PPARG: variants seen among roughly 807,000 people sequenced by gnomAD.
PPARG encodes peroxisome proliferator activated receptor gamma.
Under a neutral mutation model 39.2 loss-of-function variants are expected in PPARG, and 17 were observed. The observed-to-expected ratio is 0.43, with a 90% CI of 0.30 to 0.65. PPARG has a LOEUF of 0.65. PPARG is among the 30% of genes least tolerant of loss of function. The probability of loss-of-function intolerance (pLI) is 0.13; values close to 1 mark genes in which losing one functional copy is unlikely to be tolerated. For synonymous variants in PPARG, 223 were observed against 215.7 expected (o/e 1.03, Z -0.30); for missense variants, 406 against 585.9 (o/e 0.69, Z 3.17).
chr3:12,409,974 T>G lies in PPARG; in HGVS notation c.729+3893T>G, dbSNP rs115496081. Among the ~76,000 whole-genome samples the G allele has an allele frequency of 6.5e-3, 996 of 152,318 alleles. 7 individuals carry two copies. The highest frequency in any genetic ancestry group is 0.01 in the Non-Finnish European group (689 of 68,028). On this transcript the variant is annotated intron_variant, in intron 6 of 7. Coordinates refer to ENST00000651735, the MANE Select transcript of PPARG (RefSeq NM_138711.6). ...ATAAATTAAATTCCCCTGCTCCCCT[T>G]CTACCAACTTTAACATCATATCCTT...
intron 7 of PPARG, among the ~76,000 whole-genome samples, chr3:12,428,579 G>A (rs1031828733): frequency 6.6e-6 from 1 of 152,232 alleles, no homozygotes. Flanking sequence ...AAAGGCCCTG[G>A]CACTGTCTGG....
intron 1 of PPARG, among the ~76,000 whole-genome samples, chr3:12,294,989 T>C (rs1251146111): frequency 1.3e-5 from 2 of 152,184 alleles, no homozygotes; most frequent in South Asian, 4.1e-4. Context: ...AGAAACTTAG[T>C]AGCCACCTCA....
rs1235443809 is a variant in PPARG at position 12,308,044 on chromosome 3, A to G, written c.-82-4336A>G. ...GCTCAGAAAGCAGGGGTACCAGGAA[A>G]AGGGACTAAAATAGTCATCATAAGG... is the stretch of plus-strand genomic sequence containing the variant. On this transcript the variant is annotated intron_variant, in intron 1 of 7. Transcript: ENST00000651735. Among the ~76,000 whole-genome samples the G allele has an allele frequency of 2.0e-5, 3 of 152,228 alleles. No homozygotes were observed. In the East Asian group the frequency reaches 5.8e-4, roughly 29 times the overall value.
At chr3:12,337,608 T>C (rs879696670) in intron 2 of PPARG, among the ~76,000 whole-genome samples, 11 of 152,174 alleles carry the variant, frequency 7.2e-5, no homozygotes, top group Non-Finnish European at 1.6e-4. Flanking sequence ...AGCAGAGCTG[T>C]TGCGACTTGC....
intron 6 of PPARG, among the ~76,000 whole-genome samples, chr3:12,413,816 CAA>C (rs10575755): frequency 0.14 from 8,337 of 60,928 alleles, 824 homozygotes; most frequent in African/African-American, 0.32. Flanking sequence ...AACTCCATCT[CAA>C]AAAAAAAAAA....
chr3:12,312,925 C>G (rs1235800183), intron 2 of PPARG, among the ~76,000 whole-genome samples: 1 of 152,114 alleles, frequency 6.6e-6, no homozygotes, highest in Non-Finnish European at 1.5e-5. Flanking sequence ...CTAAGTTATA[C>G]CCGGCATTAA....
At chr3:12,340,358 G>T (rs1282362820) in intron 2 of PPARG, among the ~76,000 whole-genome samples, 3 of 152,168 alleles carry the variant, frequency 2.0e-5, no homozygotes, top group Admixed American at 6.5e-5. Context: ...TCATCTGACT[G>T]TGTGCAATAG....
chr3:12,418,774 ACT>A (rs764531069), intron 7 of PPARG, among the ~76,000 whole-genome samples: 4 of 151,868 alleles, frequency 2.6e-5, no homozygotes, highest in Non-Finnish European at 5.9e-5. Context: ...CAGACTCTAC[ACT>A]CTCTACCATC....
chr3:12,376,168 C>T (rs1169593685), intron 2 of PPARG, among the ~76,000 whole-genome samples: 2 of 152,020 alleles, frequency 1.3e-5, no homozygotes, highest in Non-Finnish European at 2.9e-5. Context: ...AGGCTGGTCT[C>T]GAACTCCTGA....
chr3:12,372,453 T>G (rs2125149048), intron 2 of PPARG, among the ~76,000 whole-genome samples: 1 of 152,264 alleles, frequency 6.6e-6, no homozygotes, highest in South Asian at 2.1e-4. Context: ...TAAAGTAAAT[T>G]ATAAATGCAC....
intron 1 of PPARG, among the ~76,000 whole-genome samples, chr3:12,308,443 C>G (rs1353701237): frequency 6.6e-6 from 1 of 150,614 alleles, no homozygotes; most frequent in Non-Finnish European, 1.5e-5. Context: ...ATATCAAATG[C>G]TGCAGAGGCA....
chr3:12,370,737 T>G (rs1247597636), intron 2 of PPARG, among the ~76,000 whole-genome samples: 1 of 152,260 alleles, frequency 6.6e-6, no homozygotes, highest in Non-Finnish European at 1.5e-5. Context: ...TAGCATTGCC[T>G]AAATTTACTT....
At chr3:12,335,155 T>G (rs992558332) in intron 2 of PPARG, among the ~76,000 whole-genome samples, 1 of 152,248 alleles carries the variant, frequency 6.6e-6, no homozygotes, top group Non-Finnish European at 1.5e-5. Flanking sequence ...GTATTAGAGC[T>G]CTGAATACTC....
At chr3:12,405,846 C>T (rs2050640284) in intron 5 of PPARG, 36 bp from the exon 6 acceptor site, 1 of 1,591,388 alleles carries the variant, frequency 6.3e-7, no homozygotes, top group African/African-American at 1.3e-5. Flanking sequence ...CAGTAGTAAT[C>T]CAATGATTCA....
At chr3:12,316,850 G>A (rs544606676) in intron 2 of PPARG, among the ~76,000 whole-genome samples, 1 of 152,272 alleles carries the variant, frequency 6.6e-6, no homozygotes, top group African/African-American at 2.4e-5. Flanking sequence ...GAGCTGGGTG[G>A]CTGGGAGAGT....
intron 2 of PPARG, among the ~76,000 whole-genome samples, chr3:12,333,133 T>C (rs1479522577): frequency 1.3e-5 from 2 of 152,022 alleles, no homozygotes; most frequent in Non-Finnish European, 2.9e-5. Context: ...AATACCAAAG[T>C]GGGCCTTGTA....
At chr3:12,408,576 T>A (rs2050760646) in intron 6 of PPARG, among the ~76,000 whole-genome samples, 1 of 148,988 alleles carries the variant, frequency 6.7e-6, no homozygotes, top group South Asian at 2.1e-4. Flanking sequence ...TCTTTTTTTT[T>A]TTTTTTTTTT....
intron 2 of PPARG, among the ~76,000 whole-genome samples, chr3:12,357,364 G>A (rs538795989): frequency 1.3e-4 from 19 of 151,998 alleles, no homozygotes; most frequent in South Asian, 8.3e-4. Flanking sequence ...TCCTGCCTTC[G>A]TGCACCTGCC....
chr3:12,320,250 A>C (rs1040466909), intron 2 of PPARG, among the ~76,000 whole-genome samples: 1 of 152,216 alleles, frequency 6.6e-6, no homozygotes, highest in Non-Finnish European at 1.5e-5. Flanking sequence ...GTATGCATGT[A>C]TGTATCGCTA....
Sources: gnomAD v4.1 joint callset for allele counts (sites outside exome capture counted in the v4.1 genomes callset) on GRCh38, gnomAD v4.1.1 for gene constraint, MANE v1.5 for transcripts, NCBI Gene and HGNC (gene_info 2026-07-23, HGNC 2026-07-21) for gene names.